SBF2: variants seen among roughly 807,000 people sequenced by gnomAD.
SBF2 encodes SET binding factor 2.
SBF2 carries 112 observed loss-of-function variants against 225.2 expected under a neutral mutation model. That is an observed-to-expected ratio of 0.50 (90% confidence interval 0.43 to 0.58). The LOEUF (loss-of-function observed/expected upper bound fraction) is 0.58, where lower values mean the gene tolerates loss of function less well. Among genes scored for constraint, SBF2 ranks in the 20% least tolerant of loss-of-function variants. SBF2 has a pLI of 0.00. For missense variants in SBF2, 1,996 were observed against 2,206.2 expected, an observed-to-expected ratio of 0.90 and a Z score of 1.91; for synonymous variants, 763 against 773.3, an observed-to-expected ratio of 0.99 and a Z score of 0.22.
At position 10,228,298 on chromosome 11, in the gene SBF2, T is replaced by C. The variant is rs538699546; in HGVS notation, c.56-34311A>G. Among the ~76,000 whole-genome samples, 24 of 152,346 alleles carry C rather than the reference T, an allele frequency of 1.6e-4. No homozygotes were observed. The South Asian group carries it at 2.1e-3, about 13-fold the overall frequency. On this transcript the variant is annotated intron_variant, in intron 1 of 39. Transcript: ENST00000256190. ...ACAGTTTGACTTCCTCTTTTCCTAA[T>C]TGAATGCCCTTTATTTCCTTCTCCT... is the stretch of plus-strand genomic sequence containing the variant.
intron 16 of SBF2, chr11:9,928,973 A>AC: frequency 2.1e-6 from 1 of 478,656 alleles, no homozygotes; most frequent in Non-Finnish European, 4.1e-6. Flanking sequence ...CAGCAGAGAT[A>AC]ACTTGCAACA....
chr11:9,784,471 G>A, intron 37 of SBF2, 33 bp from the exon 38 acceptor site: 1 of 1,492,858 alleles, frequency 6.7e-7, no homozygotes, highest in Non-Finnish European at 9.3e-7. Flanking sequence ...AGTTAATTTT[G>A]ATTTACACTT....
chr11:10,186,366 T>G (rs1000060794), intron 2 of SBF2, among the ~76,000 whole-genome samples: 1 of 152,050 alleles, frequency 6.6e-6, no homozygotes, highest in African/African-American at 2.4e-5. Flanking sequence ...AGACTCTGTC[T>G]CTAAGAAAAA....
intron 1 of SBF2, among the ~76,000 whole-genome samples, chr11:10,273,957 G>T (rs1235141855): frequency 6.6e-6 from 1 of 152,178 alleles, no homozygotes; most frequent in Non-Finnish European, 1.5e-5. Flanking sequence ...AATCCCTTTA[G>T]GAGACTACAG....
intron 10 of SBF2, among the ~76,000 whole-genome samples, chr11:9,993,700 C>A (rs1197827595): frequency 4.6e-5 from 7 of 152,218 alleles, no homozygotes; most frequent in Admixed American, 3.9e-4. Context: ...CTCAGGGCAA[C>A]AGTCTTAGCC....
intron 2 of SBF2, among the ~76,000 whole-genome samples, chr11:10,126,264 T>C (rs903952334): frequency 2.0e-5 from 3 of 152,174 alleles, no homozygotes; most frequent in African/African-American, 7.2e-5. Context: ...ATACTGTATA[T>C]TATTGTTTTC....
At chr11:10,072,445 A>C (rs1451099426) in intron 2 of SBF2, among the ~76,000 whole-genome samples, 1 of 152,112 alleles carries the variant, frequency 6.6e-6, no homozygotes, top group Non-Finnish European at 1.5e-5. Context: ...ATGTATAATG[A>C]CTCAGGAAAC....
chr11:9,899,338 T>TAA (rs35977537), intron 16 of SBF2, among the ~76,000 whole-genome samples: 10,845 of 138,174 alleles, frequency 0.078, 615 homozygotes, highest in East Asian at 0.28. Flanking sequence ...TACAAAAAAT[T>TAA]AAAAAAAAAA....
At position 9,964,209 on chromosome 11, in the gene SBF2, A is replaced by G. The variant is rs72855680; in HGVS notation, c.1601-327T>C. Among the ~76,000 whole-genome samples the G allele has an allele frequency of 0.11, 17,020 of 152,222 alleles. 1,077 individuals carry two copies. The highest frequency in any genetic ancestry group is 0.13 in the Non-Finnish European group (9,018 of 67,998). ...GTCTGCGGTGAGCTAGGACAGCACTACTGAACTGCAGCTGGGTGACAGAGT... is the reference window on the plus strand; with the variant it reads ...GTCTGCGGTGAGCTAGGACAGCACTGCTGAACTGCAGCTGGGTGACAGAGT... On this transcript the variant is annotated intron_variant, in intron 14 of 39. Transcript: ENST00000256190.
chr11:10,228,421 C>A (rs1396828519), intron 1 of SBF2, among the ~76,000 whole-genome samples: 2 of 152,120 alleles, frequency 1.3e-5, no homozygotes, highest in Admixed American at 6.5e-5. Context: ...GGAATGCTTC[C>A]AGTTTTTGCC....
chr11:9,993,937 G>A lies in SBF2; in HGVS notation c.1037C>T (p.Ser346Phe), dbSNP rs1565106195. 9 of 1,298,280 alleles carry A rather than the reference G, an allele frequency of 6.9e-6. No homozygotes were observed. Among genetic ancestry groups the A allele is most frequent in the African/African-American group, 1.5e-5 (1 of 68,812 alleles). The allele number at this position is 1,298,280 out of a possible 1,614,324, so 80.4% of individuals were successfully genotyped here. The change falls in exon 10 of 40, where the codon TCC (serine) becomes TTC (phenylalanine). Residue 346 changes from serine (S) to phenylalanine (F), a missense_variant. Coordinates refer to ENST00000256190, the MANE Select transcript of SBF2 (RefSeq NM_030962.4). ...HAFPPPRTAL[S>F]HSKMLDKEVR... The stretch of plus-strand genomic sequence containing the variant: ...ACTTCTTACCAGCATTTTTGAGTGG[G>A]ATAAAGCTGTTCGTGGAGGAGGAAA...
At chr11:10,122,318 T>C (rs1434541464) in intron 2 of SBF2, among the ~76,000 whole-genome samples, 9 of 152,188 alleles carry the variant, frequency 5.9e-5, no homozygotes, top group African/African-American at 2.2e-4. Context: ...GGAATAAAAA[T>C]GTATTCCAAC....
chr11:10,032,600 T>C (rs1237223123), intron 3 of SBF2, among the ~76,000 whole-genome samples: 1 of 152,254 alleles, frequency 6.6e-6, no homozygotes, highest in South Asian at 2.1e-4. Context: ...AAAACTGCAA[T>C]GCCCTAACAC....
chr11:10,163,025 G>A (rs996982704), intron 2 of SBF2, among the ~76,000 whole-genome samples: 3 of 152,066 alleles, frequency 2.0e-5, no homozygotes, highest in Admixed American at 1.3e-4. Context: ...TATGAGGGTC[G>A]AAGACAGCAT....
chr11:9,955,744 C>A (rs1866119715), intron 16 of SBF2, among the ~76,000 whole-genome samples: 1 of 152,008 alleles, frequency 6.6e-6, no homozygotes, highest in Non-Finnish European at 1.5e-5. Context: ...AAGAATGATA[C>A]AATGAACACC....
At position 9,959,132 on chromosome 11, in the gene SBF2, G is replaced by A. The variant is rs1866390567; in HGVS notation, c.1860+2825C>T. ...ACTCCGAAGTCTTCACATACACGAT[G>A]TAAGATGAAACAGGTCACCCAGAGA... On this transcript the variant is annotated intron_variant, in intron 16 of 39. Transcript: ENST00000256190. 2.0e-5 allele frequency: 20 copies of A among 1,018,178 alleles called. No homozygotes were observed. The South Asian group carries it at 2.4e-4, about 12-fold the overall frequency. 63.1% of individuals were successfully genotyped at this position (1,018,178 alleles called of 1,614,324 possible). A position where few individuals can be genotyped will look rare whatever the true frequency, so the allele number is the denominator to read the frequency against.
At chr11:10,291,515 C>T (rs549006719) in intron 1 of SBF2, among the ~76,000 whole-genome samples, 19 of 152,076 alleles carry the variant, frequency 1.2e-4, no homozygotes, top group Non-Finnish European at 2.2e-4. Flanking sequence ...GAATATAATC[C>T]GCGAGCTCCC....
At chr11:10,057,553 T>G (rs1448443750) in intron 2 of SBF2, among the ~76,000 whole-genome samples, 1 of 152,178 alleles carries the variant, frequency 6.6e-6, no homozygotes, top group African/African-American at 2.4e-5. Context: ...ACTGAGTGAT[T>G]GCTGACCTGC....
chr11:10,043,112 T>C, intron 2 of SBF2, 131 bp from the exon 3 acceptor site: 3 of 870,024 alleles, frequency 3.4e-6, no homozygotes, highest in Non-Finnish European at 5.2e-6. Context: ...AAAGCCAACA[T>C]TTAAAAAAAA....
Sources: allele counts gnomAD v4.1 joint callset (sites outside exome capture counted in the v4.1 genomes callset), GRCh38; gene constraint gnomAD v4.1.1; transcripts MANE v1.5; gene names NCBI Gene and HGNC (gene_info 2026-07-23, HGNC 2026-07-21).